Variants in EDRF1 observed in about 807,000 individuals in gnomAD.
EDRF1 encodes the protein erythroid differentiation regulatory factor 1.
In EDRF1, 69 loss-of-function variants were observed where a neutral mutation model predicts 148.7. The ratio of observed to expected loss-of-function variants is 0.46; its 90% CI spans 0.38 to 0.57. The LOEUF is 0.57. Ranked by LOEUF, EDRF1 falls within the 20% of genes least tolerant of loss-of-function variation. The pLI is 0.00. For synonymous variants in EDRF1, 515 were observed against 532.8 expected (o/e 0.97, Z 0.46); for missense variants, 1,118 against 1,478.7 (o/e 0.76, Z 4.00).
At chr10:125,757,032 C>T (rs1456660720) in intron 24 of EDRF1, 1 of 432,266 alleles carries the variant, frequency 2.3e-6, no homozygotes, top group South Asian at 1.7e-5. Flanking sequence ...AGGCTGGTCT[C>T]AAAACTCCTG....
At chr10:125,725,209 T>A (rs1848198280) in intron 4 of EDRF1, 109 bp from the exon 5 acceptor site, 1 of 1,313,996 alleles carries the variant, frequency 7.6e-7, no homozygotes, top group South Asian at 1.2e-5. Flanking sequence ...GAGTATGTGT[T>A]TATGAAACTA....
intron 24 of EDRF1, chr10:125,756,680 G>A (rs868696629): frequency 3.3e-5 from 11 of 330,638 alleles, no homozygotes; most frequent in South Asian, 4.9e-5. Context: ...ACAGATGTCC[G>A]TCCCTCTTTG....
intron 24 of EDRF1, among the ~76,000 whole-genome samples, chr10:125,760,942 A>G (rs1318674786): frequency 2.6e-5 from 4 of 152,280 alleles, no homozygotes; most frequent in Non-Finnish European, 4.4e-5. Context: ...AGGAAGATGT[A>G]CACAGCCTAA....
intron 22 of EDRF1, 120 bp from the exon 23 acceptor site, chr10:125,752,679 A>G: frequency 1.5e-6 from 1 of 680,108 alleles, no homozygotes; most frequent in Non-Finnish European, 2.6e-6. Flanking sequence ...AGAAGATTTA[A>G]GATTCTCATT....
Position 125,729,098 on chromosome 10 carries a change from C to T in EDRF1, c.888C>T (p.His296=). ...NLITLFNDGE[H]SQGLKNDFVR... is the part of the protein sequence containing the mutation. ...TTACTTTATTCAATGACGGGGAGCA[C>T]AGTCAGGTATGCTTTCCATGGTGTC... The change falls in exon 7 of 25, where the codon CAC becomes CAT. Residue 296 remains histidine, a synonymous_variant. Transcript: ENST00000356792. 1 of 1,564,006 alleles carries T rather than the reference C, an allele frequency of 6.4e-7. No individual in the cohort carries two copies. Among genetic ancestry groups the T allele is most frequent in the Admixed American group, 1.8e-5 (1 of 54,674 alleles).
chr10:125,741,260 T>C lies in EDRF1; in HGVS notation c.2371+59T>C, dbSNP rs762689308. On this transcript the variant is annotated intron_variant, in intron 17 of 24. Coordinates refer to ENST00000356792, the MANE Select transcript of EDRF1 (RefSeq NM_001202438.2). ...TGGGACTGTGCAGTCTAGCTCATGC[T>C]TATTTGAGTATTCAGAAAAGGGGTA... 19 of 1,422,104 alleles carry C rather than the reference T, an allele frequency of 1.3e-5. No individual in the cohort carries two copies. In the African/African-American group the frequency reaches 1.7e-4, roughly 13 times the overall value. 88.1% of individuals were successfully genotyped at this position (1,422,104 alleles called of 1,614,324 possible). A position where few individuals can be genotyped will look rare whatever the true frequency, so the allele number is the denominator to read the frequency against.
chr10:125,748,492 G>A (rs769002238), intron 21 of EDRF1: 100 of 190,600 alleles, frequency 5.2e-4, no homozygotes, highest in Non-Finnish European at 3.6e-4. Flanking sequence ...CTGAGGCCGA[G>A]GATAAAGGCA....
At chr10:125,733,893 C>T in intron 11 of EDRF1, 150 bp downstream of exon 11, 1 of 900,100 alleles carries the variant, frequency 1.1e-6, no homozygotes, top group Non-Finnish European at 1.8e-6. Flanking sequence ...CCAAATATTA[C>T]TCAGCTTTCT....
chr10:125,730,018 G>A (rs1485432260), intron 8 of EDRF1, among the ~76,000 whole-genome samples: 1 of 152,188 alleles, frequency 6.6e-6, no homozygotes, highest in African/African-American at 2.4e-5. Context: ...GCAGGCAGTA[G>A]GCTCACCGTC....
intron 6 of EDRF1, among the ~76,000 whole-genome samples, chr10:125,726,536 G>A (rs1486877037): frequency 6.6e-6 from 1 of 152,194 alleles, no homozygotes; most frequent in Non-Finnish European, 1.5e-5. Context: ...CAGGAAAATA[G>A]ATTGATAAAT....
At chr10:125,744,123 T>C (rs888546229) in intron 18 of EDRF1, among the ~76,000 whole-genome samples, 2 of 151,852 alleles carry the variant, frequency 1.3e-5, no homozygotes, top group African/African-American at 4.8e-5. Context: ...ATGTAAAGCC[T>C]GGACACAGGG....
Position 125,743,139 on chromosome 10 carries a change from A to T in EDRF1, c.2453A>T (p.Glu818Val), listed in dbSNP as rs1357511367. The change falls in exon 18 of 25, where the codon GAA becomes GTA. Residue 818 changes from glutamate to valine, a missense_variant. Physicochemically the swap from Glu to Val is moderately radical, Grantham distance 121. Coordinates refer to ENST00000356792, the MANE Select transcript of EDRF1 (RefSeq NM_001202438.2). ...TGTAAATGTTATGAGGCTGCTAATG[A>T]AATCTTGCAGTTTAGTGACTTGAAA... is the stretch of plus-strand genomic sequence containing the variant. ...VSCKCYEAAN[E>V]ILQFSDLKSQ... The T allele has an allele frequency of 6.2e-7, 1 of 1,614,016 alleles. No individual in the cohort carries two copies. Among genetic ancestry groups the T allele is most frequent in the Non-Finnish European group, 8.5e-7 (1 of 1,179,960 alleles).
Position 125,753,788 on chromosome 10 carries a change from T to C in EDRF1, c.3488T>C (p.Leu1163Ser), listed in dbSNP as rs1239592754. 6.2e-7 allele frequency: 1 copy of C among 1,613,844 alleles called. No homozygotes were observed. Among genetic ancestry groups the C allele is most frequent in the Non-Finnish European group, 8.5e-7 (1 of 1,179,984 alleles). ...CTCCTCAGTATATTTGAGTCTCGGT[T>C]GTCATTTCTTCTCCTTCAGTCCATT... ...MKLLSIFESRLSFLLLQSIKL... is the reference protein window; with the variant it reads ...MKLLSIFESRSSFLLLQSIKL... Residue 1163 changes from leucine (L) to serine (S), a missense_variant, in exon 24 of 25, where the codon TTG (leucine) becomes TCG (serine). Transcript: ENST00000356792.
Position 125,725,451 on chromosome 10 carries a change from C to T in EDRF1, c.635+9C>T. On this transcript the variant is annotated intron_variant, in intron 5 of 24. Transcript: ENST00000356792. ...AAGTTTTTATATTACAGGTACTTGG[C>T]TACTTATTTATCTCTAAAGAGAAAA... 1 of 1,613,708 alleles carries T rather than the reference C, an allele frequency of 6.2e-7. No individual in the cohort carries two copies. The highest frequency in any genetic ancestry group is 8.5e-7 in the Non-Finnish European group (1 of 1,179,796).
chr10:125,750,066 A>G (rs1030061966), intron 22 of EDRF1, among the ~76,000 whole-genome samples: 2 of 152,204 alleles, frequency 1.3e-5, no homozygotes, highest in Non-Finnish European at 2.9e-5. Context: ...ACTTGAACCC[A>G]GGAGGCGAAG....
At chr10:125,736,005 T>C in intron 13 of EDRF1, 101 bp downstream of exon 13, 1 of 1,144,772 alleles carries the variant, frequency 8.7e-7, no homozygotes, top group Admixed American at 2.0e-5. Flanking sequence ...AATAAACCTT[T>C]CATGGTCTAG....
At chr10:125,722,198 TAATC>T (rs1197212093) in intron 2 of EDRF1, among the ~76,000 whole-genome samples, 1 of 152,250 alleles carries the variant, frequency 6.6e-6, no homozygotes, top group Non-Finnish European at 1.5e-5. Flanking sequence ...AAGAATGGCT[TAATC>T]AGTTGTGATT....
chr10:125,759,817 TCTC>T (rs1850104791), intron 24 of EDRF1, among the ~76,000 whole-genome samples: 1 of 152,042 alleles, frequency 6.6e-6, no homozygotes, highest in South Asian at 2.1e-4. Context: ...TTCACGCCAT[TCTC>T]CTGCCTCAGC....
At chr10:125,732,886 C>A (rs545351445) in intron 9 of EDRF1, among the ~76,000 whole-genome samples, 1 of 152,234 alleles carries the variant, frequency 6.6e-6, no homozygotes, top group Non-Finnish European at 1.5e-5. Context: ...CCATTCCCCC[C>A]TGCTCCATCC....
Sources: allele counts gnomAD v4.1 joint callset (sites outside exome capture counted in the v4.1 genomes callset), GRCh38; gene constraint gnomAD v4.1.1; transcripts MANE v1.5; gene names NCBI Gene and HGNC (gene_info 2026-07-23, HGNC 2026-07-21).